The following SHROOM4 variants were observed in gnomAD, a reference collection of about 807,000 sequenced individuals.
SHROOM4 encodes protein Shroom4.
SHROOM4 carries 17 observed loss-of-function variants against 80.3 expected under a neutral mutation model. The ratio of observed to expected loss-of-function variants is 0.21; its 90% CI spans 0.14 to 0.32. SHROOM4 has a LOEUF of 0.32. SHROOM4 is among the 10% of genes least tolerant of loss of function. The pLI, the probability that SHROOM4 is intolerant of heterozygous loss-of-function variation, is 1.00. For synonymous variants in SHROOM4, 400 were observed against 437.5 expected (o/e 0.91, Z 1.07); for missense variants, 993 against 1,140.3 (o/e 0.87, Z 1.86).
At chrX:50,586,626 C>T (rs1452407012), downstream of SHROOM4, among the ~76,000 whole-genome samples, 3 of 111,728 alleles carry the variant, frequency 2.7e-5, no homozygotes, top group Admixed American at 9.5e-5. Context: ...GAATGTTGCA[C>T]AGAATGGGCA....
intron 1 of SHROOM4, among the ~76,000 whole-genome samples, chrX:50,740,471 G>T (rs1056559916): frequency 9.0e-6 from 1 of 111,305 alleles, no homozygotes; most frequent in African/African-American, 3.3e-5. Flanking sequence ...AAATTAAAAG[G>T]AAGTATAGGC....
the SHROOM4 span, among the ~76,000 whole-genome samples, chrX:50,576,767 T>C: frequency 1.8e-5 from 2 of 111,709 alleles, no homozygotes; most frequent in African/African-American, 6.5e-5. Context: ...TTTTTAGTGG[T>C]TGTAGGCATT....
chrX:50,633,766 A>C lies in SHROOM4; in HGVS notation c.2307T>G (p.Pro769=). The stretch of plus-strand genomic sequence containing the variant: ...CAAAGAACTTTCTTCTGTCTGCAAA[A>C]GGCAAGAGGATGGCATCCTCCCCAG... ...AQAGEDAILL[P]FADRRKFFEE... Residue 769 remains proline (P), a synonymous_variant, in exon 4 of 9, where the codon CCT becomes CCG. Transcript: ENST00000376020. 4 of 1,212,232 alleles carry C rather than the reference A, an allele frequency of 3.3e-6. No individual in the cohort carries two copies. Among genetic ancestry groups the C allele is most frequent in the Non-Finnish European group, 4.5e-6 (4 of 895,606 alleles).
chrX:50,612,085 T>A (rs1386503697), intron 5 of SHROOM4, among the ~76,000 whole-genome samples: 1 of 109,256 alleles, frequency 9.2e-6, no homozygotes, highest in Admixed American at 9.7e-5. Context: ...CGGCAGAAAT[T>A]AATATACTAG....
intron 6 of SHROOM4, among the ~76,000 whole-genome samples, chrX:50,605,465 A>G (rs966500006): frequency 2.7e-5 from 3 of 112,571 alleles, no homozygotes; most frequent in African/African-American, 9.7e-5. Flanking sequence ...TACATCCTAG[A>G]GTCATTAAAA....
At chrX:50,654,441 C>T (rs1451616796) in intron 2 of SHROOM4, among the ~76,000 whole-genome samples, 1 of 111,695 alleles carries the variant, frequency 9.0e-6, no homozygotes, top group South Asian at 3.8e-4. Context: ...AAATTGTACA[C>T]ATTTATAATA....
At chrX:50,649,265 G>T (rs1430431259) in intron 2 of SHROOM4, among the ~76,000 whole-genome samples, 1 of 112,088 alleles carries the variant, frequency 8.9e-6, no homozygotes, top group East Asian at 2.8e-4. Flanking sequence ...GGTGTGCCCA[G>T]CGAGCAGCTT....
In SHROOM4 at chrX:50,596,639, T is replaced by C. The variant is rs781840395; in HGVS notation, c.*56A>G. The C allele has an allele frequency of 7.8e-5, 93 of 1,192,661 alleles. No homozygotes were observed. In the Admixed American group the frequency reaches 1.5e-3, roughly 19 times the overall value. ...GCTGAGAAACTGCTAACAAAGAAGATTGAAAGCACTTCCCACATGGCTGGG... is the reference window on the plus strand; with the variant it reads ...GCTGAGAAACTGCTAACAAAGAAGACTGAAAGCACTTCCCACATGGCTGGG... On this transcript the variant is annotated 3_prime_UTR_variant, in exon 9 of 9. Coordinates refer to ENST00000376020, the MANE Select transcript of SHROOM4 (RefSeq NM_020717.5).
In SHROOM4 at chrX:50,633,299, C is replaced by T. The variant is rs782085746; in HGVS notation, c.2774G>A (p.Arg925Gln). 18 of 1,208,973 alleles carry T rather than the reference C, an allele frequency of 1.5e-5. No homozygotes were observed. The highest frequency in any genetic ancestry group is 2.3e-4 in the Middle Eastern group (1 of 4,376). ...RNMMPNCYNC[R>Q]CHHHQCIRCS... Reference sequence around the variant, plus strand: ...CCGAATGCATTGGTGGTGGTGGCACCGGCAGTTGTAGCAATTTGGCATCAT... The same window carrying T: ...CCGAATGCATTGGTGGTGGTGGCACTGGCAGTTGTAGCAATTTGGCATCAT... Residue 925 changes from arginine (R) to glutamine (Q), a missense_variant, in exon 4 of 9, where the codon CGG becomes CAG. Transcript: ENST00000376020.
chrX:50,611,147 T>TTTTTC (rs1289347046), intron 5 of SHROOM4, among the ~76,000 whole-genome samples: 2 of 83,854 alleles, frequency 2.4e-5, no homozygotes, highest in African/African-American at 4.8e-5. Flanking sequence ...TTTTTTTCTT[T>TTTTTC]TTTTTTTTTT....
At chrX:50,766,198 T>C (rs1456240843) in intron 1 of SHROOM4, among the ~76,000 whole-genome samples, 2 of 111,803 alleles carry the variant, frequency 1.8e-5, no homozygotes, top group African/African-American at 6.5e-5. Context: ...CTCTCACCTG[T>C]TGAAATTCCC....
At chrX:50,729,152 T>C (rs1018544722) in intron 1 of SHROOM4, among the ~76,000 whole-genome samples, 9 of 111,601 alleles carry the variant, frequency 8.1e-5, no homozygotes, top group African/African-American at 2.0e-4. Context: ...AGCCCATACA[T>C]AGGAAGAAAA....
downstream of SHROOM4, among the ~76,000 whole-genome samples, chrX:50,585,637 G>A (rs1928744697): frequency 9.0e-6 from 1 of 111,378 alleles, no homozygotes; most frequent in African/African-American, 3.3e-5. Flanking sequence ...GTGTTATGCA[G>A]CTAGGCAGGG....
chrX:50,803,495 G>C (rs1936169628), intron 1 of SHROOM4, among the ~76,000 whole-genome samples: 1 of 112,034 alleles, frequency 8.9e-6, no homozygotes, highest in Admixed American at 9.5e-5. Flanking sequence ...TGCAGTGCTT[G>C]TAGTAACTGG....
At chrX:50,774,444 T>C (rs782670339) in intron 1 of SHROOM4, among the ~76,000 whole-genome samples, 1 of 111,685 alleles carries the variant, frequency 9.0e-6, no homozygotes, top group Non-Finnish European at 1.9e-5. Context: ...CAGTTCCCTC[T>C]ATCCCACTTA....
intron 1 of SHROOM4, among the ~76,000 whole-genome samples, chrX:50,794,026 G>A (rs1336786990): frequency 9.0e-6 from 1 of 110,530 alleles, no homozygotes; most frequent in African/African-American, 3.3e-5. Context: ...AAGTTGTATG[G>A]GTTGGGGTGG....
intron 2 of SHROOM4, among the ~76,000 whole-genome samples, chrX:50,691,137 T>C (rs1557262601): frequency 8.9e-6 from 1 of 112,206 alleles, no homozygotes; most frequent in Non-Finnish European, 1.9e-5. Context: ...TGGTCTACTT[T>C]ATTGTCAATT....
At chrX:50,610,880 T>G (rs1355324276) in intron 5 of SHROOM4, among the ~76,000 whole-genome samples, 2 of 111,438 alleles carry the variant, frequency 1.8e-5, no homozygotes, top group Non-Finnish European at 3.8e-5. Flanking sequence ...GCAAAATCTA[T>G]AGCAAATGCA....
rs184863529 is a variant in SHROOM4 at position 50,587,563 on chromosome X, G to A, written c.*9132C>T. On this transcript the variant is annotated 3_prime_UTR_variant, in exon 9 of 9. Transcript: ENST00000376020. ...TGAAGAAATCAAGGAAGAATGTTTC[G>A]CATTGCCATACCAGGGTAAAAAGTG... is the stretch of plus-strand genomic sequence containing the variant. Among the ~76,000 whole-genome samples, 44 of 112,120 alleles carry A rather than the reference G, an allele frequency of 3.9e-4. No homozygotes were observed. In the East Asian group the frequency reaches 6.5e-3, roughly 17 times the overall value.
Sources: allele counts gnomAD v4.1 joint callset (sites outside exome capture counted in the v4.1 genomes callset), GRCh38; gene constraint gnomAD v4.1.1; transcripts MANE v1.5; gene names NCBI Gene and HGNC (gene_info 2026-07-23, HGNC 2026-07-21).